The following DOCK6 variants were observed in gnomAD, a reference collection of about 807,000 sequenced individuals.
DOCK6 encodes the protein dedicator of cytokinesis protein 6.
A neutral mutation model predicts 230.3 loss-of-function variants in DOCK6; 167 were observed. The ratio of observed to expected loss-of-function variants is 0.73; its 90% CI spans 0.64 to 0.82. The LOEUF (loss-of-function observed/expected upper bound fraction) is 0.82, where lower values mean the gene tolerates loss of function less well. Among genes scored for constraint, DOCK6 ranks in the 40% least tolerant of loss-of-function variants. The probability of loss-of-function intolerance (pLI) is 0.00; values close to 1 mark genes in which losing one functional copy is unlikely to be tolerated. For missense variants in DOCK6, 2,598 were observed against 2,825.8 expected, an observed-to-expected ratio of 0.92 and a Z score of 1.83; for synonymous variants, 1,148 against 1,185.0, an observed-to-expected ratio of 0.97 and a Z score of 0.64.
intron 1 of DOCK6, among the ~76,000 whole-genome samples, chr19:11,260,221 C>G (rs116599290): frequency 0.018 from 2,770 of 152,120 alleles, 85 homozygotes; most frequent in African/African-American, 0.062. Flanking sequence ...TCTACAGTAT[C>G]CAAAACCCCT....
intron 24 of DOCK6, among the ~76,000 whole-genome samples, chr19:11,225,214 C>T (rs997147838): frequency 6.6e-6 from 1 of 152,106 alleles, no homozygotes; most frequent in Admixed American, 6.6e-5. Flanking sequence ...GGGGACAGAG[C>T]AAGACTCCAT....
rs147030596 is a variant in DOCK6, at chr19:11,251,194, AG to A, written c.508-109del. The stretch of plus-strand genomic sequence containing the variant: ...TCTAGAGATGGGGAAATTGAGGGTC[AG>A]GGGGTGAGGGTCATCACTCTAAGGG... On this transcript the variant is annotated intron_variant, in intron 5 of 47. Transcript: ENST00000294618. The A allele has an allele frequency of 3.2e-3, 3,633 of 1,135,870 alleles. 87 individuals are homozygous for A. The African/African-American group carries it at 0.049, about 15-fold the overall frequency. 70.4% of individuals were successfully genotyped at this position (1,135,870 alleles called of 1,614,324 possible). A position where few individuals can be genotyped will look rare whatever the true frequency, so the allele number is the denominator to read the frequency against.
At chr19:11,244,676 C>G (rs775655403) in intron 9 of DOCK6, among the ~76,000 whole-genome samples, 2 of 151,986 alleles carry the variant, frequency 1.3e-5, no homozygotes, top group Non-Finnish European at 2.9e-5. Context: ...TCAGGCTGGT[C>G]TGGAACTCCC....
intron 35 of DOCK6, among the ~76,000 whole-genome samples, chr19:11,212,754 G>A (rs750871329): frequency 3.4e-5 from 5 of 148,886 alleles, no homozygotes; most frequent in Non-Finnish European, 7.4e-5. Flanking sequence ...GTAGAGATGC[G>A]GGGTTCCATC....
At chr19:11,256,934 C>T (rs1380422362) in intron 1 of DOCK6, among the ~76,000 whole-genome samples, 1 of 152,104 alleles carries the variant, frequency 6.6e-6, no homozygotes, top group Non-Finnish European at 1.5e-5. Flanking sequence ...CCACCTCAGC[C>T]TCCCAAAGTC....
At chr19:11,240,247 T>C (rs751982388) in intron 14 of DOCK6, 1 of 1,583,220 alleles carries the variant, frequency 6.3e-7, no homozygotes, top group South Asian at 1.2e-5. Flanking sequence ...GAAGTCCAGC[T>C]GAGGAGCGCC....
At chr19:11,240,425 CAGACA>C in intron 14 of DOCK6, 2 of 954,302 alleles carry the variant, frequency 2.1e-6, no homozygotes, top group Admixed American at 3.2e-5. Flanking sequence ...TGCATGTCCC[CAGACA>C]AAACTCAAGT....
intron 1 of DOCK6, among the ~76,000 whole-genome samples, chr19:11,261,679 C>T (rs1028294321): frequency 6.6e-6 from 1 of 152,128 alleles, no homozygotes; most frequent in Non-Finnish European, 1.5e-5. Context: ...GAAATGGATC[C>T]CCCAGCGCCT....
intron 14 of DOCK6, chr19:11,238,798 C>T (rs929669851): frequency 6.0e-6 from 1 of 165,552 alleles, no homozygotes; most frequent in African/African-American, 2.4e-5. Flanking sequence ...CAACTCTGTG[C>T]AAGCCTTGAC....
At chr19:11,224,199 T>TTTC (rs34041454) in intron 24 of DOCK6, among the ~76,000 whole-genome samples, 2,724 of 150,928 alleles carry the variant, frequency 0.018, 24 homozygotes, top group Middle Eastern at 0.031. Flanking sequence ...CTTTTCTTTC[T>TTTC]TTCTTTCTTT....
intron 35 of DOCK6, among the ~76,000 whole-genome samples, chr19:11,212,857 GC>G (rs2079413791): frequency 1.4e-5 from 2 of 143,420 alleles, no homozygotes; most frequent in Admixed American, 1.5e-4. Context: ...GAGCCACTGT[GC>G]CTGGCCCTTT....
chr19:11,248,074 C>T lies in DOCK6; in HGVS notation c.798G>A (p.Leu266=). 6.2e-7 allele frequency: 1 copy of T among 1,612,158 alleles called. No homozygotes were observed. Among genetic ancestry groups the T allele is most frequent in the Non-Finnish European group, 8.5e-7 (1 of 1,179,192 alleles). The change falls in exon 7 of 48, where the codon CTG becomes CTA. Residue 266 remains leucine, a synonymous_variant. Transcript: ENST00000294618. ...HFGQRILVKC[L]SLKFEIEIEP... is the part of the protein sequence containing the mutation. ...CATGTCAGTATACTCACTTGAGCGACAGACACTTGACCAAGATCCTTTGTC... is the reference window on the plus strand; with the variant it reads ...CATGTCAGTATACTCACTTGAGCGATAGACACTTGACCAAGATCCTTTGTC...
rs2080002787 is a variant in DOCK6, at chr19:11,244,509, GA to G, written c.1024-628del. Among the ~76,000 whole-genome samples the G allele has an allele frequency of 3.8e-5, 5 of 130,106 alleles. No individual in the cohort carries two copies. In the South Asian group the frequency reaches 1.3e-3, roughly 35 times the overall value. The allele number at this position is 130,106 out of a possible 152,430, so 85.4% of individuals were successfully genotyped here. ...GGGGTCTCGCTCTGTCACCCAGACG[GA>G]AGTGCAATGGCACAATCTCGGCTCA... On this transcript the variant is annotated intron_variant, in intron 9 of 47. Transcript: ENST00000294618.
chr19:11,202,029 A>G lies in DOCK6; in HGVS notation c.5548T>C (p.Phe1850Leu). The change falls in exon 44 of 48, where the codon TTC becomes CTC. Residue 1850 changes from phenylalanine (F) to leucine (L), a missense_variant. Phe to Leu is a conservative substitution (Grantham distance 22). Transcript: ENST00000294618. The surrounding 1 kb of genome is among the most constrained non-coding windows in gnomAD (Gnocchi z 5.3). ...YFDRNYGLRT[F>L]LFCTPFTPDG... ...GGCGTGAACGGCGTGCAGAACAGGA[A>G]TGTGCGAAGCCCATAGTTGCGGTCA... 6.2e-7 allele frequency: 1 copy of G among 1,614,034 alleles called. No individual in the cohort carries two copies. Among genetic ancestry groups the G allele is most frequent in the Non-Finnish European group, 8.5e-7 (1 of 1,179,904 alleles).
At position 11,236,147 on chromosome 19, in the gene DOCK6, T is replaced by G; in HGVS notation, c.2392+199A>C. The G allele has an allele frequency of 1.6e-6, 1 of 632,404 alleles. No homozygotes were observed. Among genetic ancestry groups the G allele is most frequent in the Non-Finnish European group, 2.7e-6 (1 of 373,998 alleles). The allele number at this position is 632,404 out of a possible 1,614,324, so 39.2% of individuals were successfully genotyped here. Reference sequence around the variant, plus strand: ...TGCCCGCCTCGGCCTCCCAAAGTGCTGGGATGACAGGCGTGAACCGCTGCA... The same window carrying G: ...TGCCCGCCTCGGCCTCCCAAAGTGCGGGGATGACAGGCGTGAACCGCTGCA... On this transcript the variant is annotated intron_variant, in intron 20 of 47. Coordinates refer to ENST00000294618, the MANE Select transcript of DOCK6 (RefSeq NM_020812.4). The surrounding 1 kb of genome is among the most constrained non-coding windows in gnomAD (Gnocchi z 5.2).
At position 11,250,942 on chromosome 19, in the gene DOCK6, G is replaced by T. The variant is rs751649365; in HGVS notation, c.652C>A (p.Arg218Ser). The part of the protein sequence containing the change: ...ERAAPEDVDR[R>S]NETLRRQHRP... ...TGCTGCCGTCGAAGGGTTTCATTGC[G>T]CCGGTCCACATCTTCTGGGGCCGCC... Residue 218 changes from arginine to serine, a missense_variant, in exon 6 of 48, where the codon CGC becomes AGC. Transcript: ENST00000294618. 1.2e-6 allele frequency: 2 copies of T among 1,613,340 alleles called. No homozygotes were observed. Among genetic ancestry groups the T allele is most frequent in the South Asian group, 2.2e-5 (2 of 91,076 alleles).
intron 35 of DOCK6, 122 bp from the exon 36 acceptor site, chr19:11,212,273 A>C: frequency 8.7e-7 from 1 of 1,148,652 alleles, no homozygotes; most frequent in African/African-American, 1.6e-5. Context: ...TGGGGGTCTC[A>C]CTCTGTCGCC....
At chr19:11,255,187 C>A (rs2147885441) in intron 1 of DOCK6, among the ~76,000 whole-genome samples, 1 of 152,156 alleles carries the variant, frequency 6.6e-6, no homozygotes, top group Non-Finnish European at 1.5e-5. Context: ...GTATTTTTAG[C>A]AGAGACGGGG....
intron 2 of DOCK6, among the ~76,000 whole-genome samples, chr19:11,253,422 G>A (rs1292678681): frequency 6.6e-6 from 1 of 152,158 alleles, no homozygotes; most frequent in Non-Finnish European, 1.5e-5. Context: ...ACCACCCACA[G>A]GGTGACAAGC....
Sources: gnomAD v4.1 joint callset for allele counts (sites outside exome capture counted in the v4.1 genomes callset) on GRCh38, gnomAD v4.1.1 for gene constraint, Gnocchi (gnomAD v3.1) non-coding constraint, MANE v1.5 for transcripts, NCBI Gene and HGNC (gene_info 2026-07-23, HGNC 2026-07-21) for gene names.